ABHD3: variants seen among roughly 807,000 people sequenced by gnomAD.
The protein encoded by ABHD3 is abhydrolase domain containing 3, phospholipase.
Under a neutral mutation model 48.8 loss-of-function variants are expected in ABHD3, and 46 were observed. The ratio of observed to expected loss-of-function variants is 0.94; its 90% confidence interval spans 0.74 to 1.20. The LOEUF (loss-of-function observed/expected upper bound fraction) is 1.20, where lower values mean the gene tolerates loss of function less well. Ranked by LOEUF, ABHD3 falls within the 50% of genes most tolerant of loss-of-function variation. ABHD3 has a pLI of 0.00. For missense variants in ABHD3, 490 were observed against 497.8 expected (o/e 0.98, Z 0.15); for synonymous variants, 192 against 183.7 (o/e 1.04, Z -0.36).
intron 5 of ABHD3, chr18:21,662,431 T>G (rs1407754667): frequency 1.3e-5 from 2 of 152,144 alleles, no homozygotes; most frequent in African/African-American, 4.8e-5. Flanking sequence ...ACCAACTATT[T>G]ATAAGTGATG....
intron 4 of ABHD3, among the ~76,000 whole-genome samples, chr18:21,671,128 T>C (rs1428432424): frequency 6.6e-6 from 1 of 152,200 alleles, no homozygotes; most frequent in Non-Finnish European, 1.5e-5. Context: ...CCCTATCCCA[T>C]GTGAGTCTCT....
intron 4 of ABHD3, chr18:21,682,820 C>T (rs1166200827): frequency 1.3e-5 from 2 of 152,224 alleles, no homozygotes; most frequent in African/African-American, 4.8e-5. Flanking sequence ...GCCACAGTGA[C>T]ACATTCAAAT....
intron 8 of ABHD3, among the ~76,000 whole-genome samples, chr18:21,652,268 G>A (rs964967870): frequency 6.6e-6 from 1 of 151,998 alleles, no homozygotes; most frequent in African/African-American, 2.4e-5. Flanking sequence ...CGAAGTGAGA[G>A]GATCACTTGA....
intron 4 of ABHD3, among the ~76,000 whole-genome samples, chr18:21,670,158 C>A (rs1040970203): frequency 1.3e-5 from 2 of 152,114 alleles, no homozygotes; most frequent in African/African-American, 4.8e-5. Context: ...AGGATGTTAA[C>A]GCCCCGGTAC....
intron 6 of ABHD3, 66 bp from the exon 7 acceptor site, chr18:21,657,218 TAAAAA>T: frequency 6.9e-7 from 1 of 1,444,846 alleles, no homozygotes; most frequent in East Asian, 2.3e-5. Context: ...TAAAAGGACT[TAAAAA>T]CAAATTACTA....
intron 5 of ABHD3, among the ~76,000 whole-genome samples, chr18:21,661,493 T>C (rs2039494237): frequency 6.6e-6 from 1 of 151,706 alleles, no homozygotes; most frequent in Non-Finnish European, 1.5e-5. Context: ...TAGCTGGACA[T>C]GGTGGTGGGC....
Position 21,702,302 on chromosome 18 carries a change from T to A in ABHD3, c.509+14A>T, listed in dbSNP as rs754796469. 2 of 1,548,522 alleles carry A rather than the reference T, an allele frequency of 1.3e-6. No individual in the cohort carries two copies. Among genetic ancestry groups the A allele is most frequent in the African/African-American group, 2.8e-5 (2 of 72,446 alleles). ...AATGGATCAAGTGAAAAAAAAGAAA[T>A]CTTTTACTGGTACCTGTATCCTAAT... On this transcript the variant is annotated intron_variant, in intron 3 of 8. Coordinates refer to ENST00000289119, the MANE Select transcript of ABHD3 (RefSeq NM_138340.5).
intron 4 of ABHD3, among the ~76,000 whole-genome samples, chr18:21,677,752 C>T (rs1450818034): frequency 2.0e-5 from 3 of 151,674 alleles, no homozygotes; most frequent in Admixed American, 6.6e-5. Flanking sequence ...GGCGTGATCT[C>T]GGCTCACTGC....
chr18:21,675,869 G>T (rs565571684), intron 4 of ABHD3, among the ~76,000 whole-genome samples: 7 of 152,204 alleles, frequency 4.6e-5, no homozygotes, highest in Admixed American at 6.5e-5. Flanking sequence ...AAGGTGGGCA[G>T]ATCACTTCAG....
At chr18:21,701,023 T>C (rs968806177) in intron 3 of ABHD3, among the ~76,000 whole-genome samples, 5 of 148,210 alleles carry the variant, frequency 3.4e-5, no homozygotes, top group Non-Finnish European at 5.9e-5. Flanking sequence ...CATGGAATAA[T>C]GATGAATTCC....
intron 3 of ABHD3, among the ~76,000 whole-genome samples, chr18:21,699,834 T>C (rs1009470509): frequency 6.6e-6 from 1 of 150,928 alleles, no homozygotes; most frequent in Admixed American, 6.6e-5. Context: ...CGCGCTGCCA[T>C]GCCTGGCTAA....
At chr18:21,699,974 G>C (rs1053198837) in intron 3 of ABHD3, among the ~76,000 whole-genome samples, 1 of 152,030 alleles carries the variant, frequency 6.6e-6, no homozygotes, top group African/African-American at 2.4e-5. Context: ...CACTGCACCC[G>C]GCTAAAATCT....
Position 21,651,276 on chromosome 18 carries a change from C to A in ABHD3, c.*315G>T. On this transcript the variant is annotated 3_prime_UTR_variant, in exon 9 of 9. Coordinates refer to ENST00000289119, the MANE Select transcript of ABHD3 (RefSeq NM_138340.5). ...AAAAAATACTAGTTTAAATTAAAACCCTGAGGAATTAAAATTTGTTTTACA... is the reference window on the plus strand; with the variant it reads ...AAAAAATACTAGTTTAAATTAAAACACTGAGGAATTAAAATTTGTTTTACA... The A allele has an allele frequency of 5.5e-6, 1 of 180,280 alleles. No homozygotes were observed. The highest frequency in any genetic ancestry group is 5.8e-5 in the Admixed American group (1 of 17,148). 11.2% of individuals were successfully genotyped at this position (180,280 alleles called of 1,614,324 possible).
At chr18:21,671,581 G>A (rs554963585) in intron 4 of ABHD3, among the ~76,000 whole-genome samples, 1 of 152,220 alleles carries the variant, frequency 6.6e-6, no homozygotes, top group East Asian at 1.9e-4. Context: ...GAAGAGAGAC[G>A]AAGGAAGACC....
intron 4 of ABHD3, among the ~76,000 whole-genome samples, chr18:21,667,734 T>C (rs1186583590): frequency 6.6e-6 from 1 of 152,160 alleles, no homozygotes; most frequent in South Asian, 2.1e-4. Flanking sequence ...GATCCCAGTG[T>C]ATCTATTTTA....
chr18:21,651,767 C>G lies in ABHD3; in HGVS notation c.1058-4G>C, dbSNP rs372726876. On this transcript the variant is annotated splice_polypyrimidine_tract_variant and splice_region_variant and intron_variant, in intron 8 of 8. Transcript: ENST00000289119. ...TTAGCAGTTTCTATTGGAATAGCTTCAGACCAAAAAAAACATGGCAATAAG... is the reference window on the plus strand; with the variant it reads ...TTAGCAGTTTCTATTGGAATAGCTTGAGACCAAAAAAAACATGGCAATAAG... The G allele has an allele frequency of 4.0e-6, 6 of 1,507,160 alleles. No homozygotes were observed. In the African/African-American group the frequency reaches 7.1e-5, roughly 18 times the overall value. The allele number at this position is 1,507,160 out of a possible 1,614,324, so 93.4% of individuals were successfully genotyped here.
chr18:21,702,160 A>G, intron 3 of ABHD3, 156 bp downstream of exon 3: 1 of 638,536 alleles, frequency 1.6e-6, no homozygotes, highest in East Asian at 3.1e-5. Flanking sequence ...TCTTCCTGAA[A>G]AGAAAGAGGA....
intron 1 of ABHD3, among the ~76,000 whole-genome samples, 160 bp downstream of exon 1, chr18:21,704,344 C>A (rs887598418): frequency 1.3e-5 from 2 of 151,882 alleles, no homozygotes; most frequent in African/African-American, 4.8e-5. Flanking sequence ...ACGGGCGGGG[C>A]CTGTTGGCTT....
chr18:21,678,491 A>G (rs1351190152), intron 4 of ABHD3, among the ~76,000 whole-genome samples: 2 of 152,106 alleles, frequency 1.3e-5, no homozygotes, highest in African/African-American at 2.4e-5. Flanking sequence ...CTATAACTAA[A>G]AATAGCTTTC....
Sources: gnomAD v4.1 joint callset for allele counts (sites outside exome capture counted in the v4.1 genomes callset) on GRCh38, gnomAD v4.1.1 for gene constraint, MANE v1.5 for transcripts, NCBI Gene and HGNC (gene_info 2026-07-23, HGNC 2026-07-21) for gene names.